TBC1D25: variants seen among roughly 807,000 people sequenced by gnomAD.
The protein encoded by TBC1D25 is 5SN3 snoRNA.
TBC1D25 carries 13 observed loss-of-function variants against 38.8 expected under a neutral mutation model. The observed-to-expected ratio is 0.34, with a 90% CI of 0.22 to 0.53. TBC1D25 has a LOEUF of 0.53. Ranked by LOEUF, TBC1D25 falls within the 20% of genes least tolerant of loss-of-function variation. The pLI is 0.94. For synonymous variants in TBC1D25, 225 were observed against 255.6 expected, an observed-to-expected ratio of 0.88 and a Z score of 1.14; for missense variants, 372 against 600.0, an observed-to-expected ratio of 0.62 and a Z score of 3.97.
At chrX:48,547,533 G>A (rs901815656) in intron 3 of TBC1D25, among the ~76,000 whole-genome samples, 1 of 111,986 alleles carries the variant, frequency 8.9e-6, no homozygotes. Flanking sequence ...GCATGGCTAC[G>A]AAACATGTGG....
intron 3 of TBC1D25, among the ~76,000 whole-genome samples, chrX:48,558,305 T>C (rs1238839528): frequency 1.8e-5 from 2 of 111,647 alleles, no homozygotes; most frequent in East Asian, 5.6e-4. Context: ...AAAATGAGAA[T>C]GGTAATATTA....
rs371720169 is a variant in TBC1D25 at position 48,544,904 on chromosome X, A to G, written c.269A>G (p.Asp90Gly). 7.4e-6 allele frequency: 9 copies of G among 1,210,189 alleles called. No homozygotes were observed. In the East Asian group the frequency reaches 2.7e-4, roughly 36 times the overall value. Residue 90 changes from aspartate to glycine, a missense_variant, in exon 3 of 6, where the codon GAC (aspartate) becomes GGC (glycine). Physicochemically the swap from Asp to Gly is moderately conservative, Grantham distance 94. Coordinates refer to ENST00000376771, the MANE Select transcript of TBC1D25 (RefSeq NM_002536.4). ...KNFGISYLGR[D>G]RLGQEVYLSL... ...TTTGGCATCAGCTACCTGGGCCGGGACCGGCTAGGACAGGAAGTTTACCTC... is the reference window on the plus strand; with the variant it reads ...TTTGGCATCAGCTACCTGGGCCGGGGCCGGCTAGGACAGGAAGTTTACCTC...
rs782628463 is a variant in TBC1D25 at position 48,552,687 on chromosome X, A to T, written c.389-6210A>T. Among the ~76,000 whole-genome samples, 445 of 110,185 alleles carry T rather than the reference A, an allele frequency of 4.0e-3. 4 individuals carry two copies. Among genetic ancestry groups the T allele is most frequent in the African/African-American group, 0.014 (415 of 30,337 alleles). On this transcript the variant is annotated intron_variant, in intron 3 of 5. Coordinates refer to ENST00000376771, the MANE Select transcript of TBC1D25 (RefSeq NM_002536.4). ...ATCTTTAGGCCACTTTTTCTCCTTT[A>T]ATCTCTCCCACTTTTTCTGGCCTTT...
chrX:48,560,065 A>G lies in TBC1D25; in HGVS notation c.1157A>G (p.His386Arg). ...GCACACTTGAAGCTGTTGCTGCGAC[A>G]CGCTGACCCTGACTTTTATCAATAC... ...KFAHLKLLLR[H>R]ADPDFYQYLQ... The change falls in exon 6 of 6, where the codon CAC becomes CGC. Residue 386 changes from histidine (H) to arginine (R), a missense_variant. Physicochemically the swap from His to Arg is conservative, Grantham distance 29 (BLOSUM62 0). This residue lies in a region of TBC1D25 where 312 missense variants were observed against 549.3 expected (regional missense o/e 0.57). Coordinates refer to ENST00000376771, the MANE Select transcript of TBC1D25 (RefSeq NM_002536.4). The G allele has an allele frequency of 8.3e-7, 1 of 1,209,741 alleles. No homozygotes were observed. The highest frequency in any genetic ancestry group is 2.2e-5 in the Admixed American group (1 of 45,793).
At position 48,558,961 on chromosome X, in the gene TBC1D25, G is replaced by A. The variant is rs1556985106; in HGVS notation, c.453G>A (p.Leu151=). ...PKDVIGSDVL[L]AEKRSSLTTA... The stretch of plus-strand genomic sequence containing the variant: ...ATGTCATTGGCTCCGACGTGTTGCT[G>A]GCTGAGAAACGGTCATCACTGACGA... Residue 151 remains leucine (L), a synonymous_variant, in exon 4 of 6, where the codon CTG becomes CTA. Transcript: ENST00000376771. The A allele has an allele frequency of 8.3e-7, 1 of 1,211,806 alleles. No individual in the cohort carries two copies. Among genetic ancestry groups the A allele is most frequent in the Admixed American group, 2.2e-5 (1 of 45,989 alleles).
In TBC1D25 at chrX:48,559,312, T is replaced by C; in HGVS notation, c.671T>C (p.Ile224Thr). 1 of 1,210,671 alleles carries C rather than the reference T, an allele frequency of 8.3e-7. No individual in the cohort carries two copies. The highest frequency in any genetic ancestry group is 1.1e-6 in the Non-Finnish European group (1 of 895,004). Residue 224 changes from isoleucine (I) to threonine (T), a missense_variant, in exon 5 of 6, where the codon ATC becomes ACC. Transcript: ENST00000376771. Reference sequence around the variant, plus strand: ...CGACCCGAGGAGTTGCGCCTGCGGATCTATCATGGCGGTGTGGAGCCCTCG... The same window carrying C: ...CGACCCGAGGAGTTGCGCCTGCGGACCTATCATGGCGGTGTGGAGCCCTCG... ...LSRPEELRLR[I>T]YHGGVEPSLR...
At chrX:48,550,450 T>C (rs782475766) in intron 3 of TBC1D25, among the ~76,000 whole-genome samples, 1 of 111,572 alleles carries the variant, frequency 9.0e-6, no homozygotes, top group East Asian at 2.8e-4. Context: ...AACACCATGT[T>C]ATTTTTATGA....
intron 2 of TBC1D25, among the ~76,000 whole-genome samples, chrX:48,543,250 T>C (rs1364038974): frequency 9.1e-6 from 1 of 109,934 alleles, no homozygotes; most frequent in Non-Finnish European, 1.9e-5. Context: ...AAAAAAATTT[T>C]TTTTTTGAGA....
At chrX:48,556,680 G>A (rs1210874543) in intron 3 of TBC1D25, among the ~76,000 whole-genome samples, 1 of 101,838 alleles carries the variant, frequency 9.8e-6, no homozygotes, top group Non-Finnish European at 2.0e-5. Context: ...CTGGGAGGCA[G>A]AGGTTGCAGT....
At position 48,561,051 on chromosome X, in the gene TBC1D25, A is replaced by G; in HGVS notation, c.*76A>G. ...CATGAGGGCCAACACATGAGACCCC[A>G]CCTCCCTCCCTGCCTGCCAGCCCTA... On this transcript the variant is annotated 3_prime_UTR_variant, in exon 6 of 6. Coordinates refer to ENST00000376771, the MANE Select transcript of TBC1D25 (RefSeq NM_002536.4). 2.8e-6 allele frequency: 3 copies of G among 1,054,390 alleles called. No homozygotes were observed. The highest frequency in any genetic ancestry group is 3.7e-6 in the Non-Finnish European group (3 of 803,742). The allele number at this position is 1,054,390 out of a possible 1,213,427, so 86.9% of individuals were successfully genotyped here.
rs782195913 is a variant in TBC1D25 at position 48,544,854 on chromosome X, G to A, written c.234-15G>A. On this transcript the variant is annotated splice_polypyrimidine_tract_variant and intron_variant, in intron 2 of 5. Transcript: ENST00000376771. ...CACCAGGGGCCCTGAGAGCTCCCTC[G>A]TATCCCCTGTCCAGGAAGAAGAACT... 20 of 1,210,030 alleles carry A rather than the reference G, an allele frequency of 1.7e-5. 1 individual carries two copies. The highest frequency in any genetic ancestry group is 4.4e-5 in the Admixed American group (2 of 45,959).
intron 2 of TBC1D25, among the ~76,000 whole-genome samples, chrX:48,542,534 T>C (rs1168463342): frequency 3.7e-4 from 37 of 100,022 alleles, no homozygotes; most frequent in Non-Finnish European, 6.5e-4. Context: ...GTCACTTAGG[T>C]TGGAGTGCAG....
At position 48,559,295 on chromosome X, in the gene TBC1D25, G is replaced by A; in HGVS notation, c.654G>A (p.Glu218=). 8.3e-7 allele frequency: 1 copy of A among 1,211,283 alleles called. No homozygotes were observed. The highest frequency in any genetic ancestry group is 1.1e-6 in the Non-Finnish European group (1 of 895,301). Residue 218 remains glutamate, a synonymous_variant, in exon 5 of 6, where the codon GAG becomes GAA. Transcript: ENST00000376771. ...LNHEGQLSRP[E]ELRLRIYHGG... is the part of the protein sequence containing the mutation. ...ACGAGGGCCAGCTCTCCCGACCCGA[G>A]GAGTTGCGCCTGCGGATCTATCATG...
intron 2 of TBC1D25, among the ~76,000 whole-genome samples, chrX:48,543,600 C>T (rs1227080285): frequency 9.4e-6 from 1 of 105,989 alleles, no homozygotes; most frequent in Non-Finnish European, 1.9e-5. Context: ...AATTTATGAT[C>T]TCAGCCGGGC....
intron 2 of TBC1D25, 58 bp downstream of exon 2, chrX:48,541,500 C>A: frequency 9.2e-7 from 1 of 1,091,761 alleles, no homozygotes; most frequent in Non-Finnish European, 1.3e-6. Context: ...CAGTGGCTAT[C>A]TGGCCTTTGT....
chrX:48,544,782 C>G (rs2061869094), intron 2 of TBC1D25, 87 bp from the exon 3 acceptor site: 1 of 1,112,613 alleles, frequency 9.0e-7, no homozygotes, highest in East Asian at 3.1e-5. Context: ...TCAACGCCTT[C>G]TATATTACCC....
chrX:48,550,060 C>T (rs782434504), intron 3 of TBC1D25, among the ~76,000 whole-genome samples: 1 of 109,849 alleles, frequency 9.1e-6, no homozygotes, highest in Non-Finnish European at 1.9e-5. Context: ...AATCTCAGCT[C>T]ACTGCAGCCG....
intron 3 of TBC1D25, among the ~76,000 whole-genome samples, chrX:48,556,279 C>T (rs1556984421): frequency 9.0e-6 from 1 of 111,147 alleles, no homozygotes; most frequent in East Asian, 2.8e-4. Context: ...TGACTTTTAC[C>T]AAGCATACTG....
At chrX:48,548,112 GT>G (rs782443008) in intron 3 of TBC1D25, among the ~76,000 whole-genome samples, 12 of 100,912 alleles carry the variant, frequency 1.2e-4, no homozygotes, top group Middle Eastern at 4.9e-3. Context: ...GGTTTTGAGG[GT>G]TTTTTTTTTG....
Sources: gnomAD v4.1 joint callset for allele counts (sites outside exome capture counted in the v4.1 genomes callset) on GRCh38, gnomAD v4.1.1 for gene constraint, gnomAD v4.1.1 regional missense constraint, MANE v1.5 for transcripts, NCBI Gene and HGNC (gene_info 2026-07-23, HGNC 2026-07-21) for gene names.